KCNT2: variants seen among roughly 807,000 people sequenced by gnomAD.
KCNT2 encodes the protein potassium sodium-activated channel subfamily T member 2.
Under a neutral mutation model 153.8 loss-of-function variants are expected in KCNT2, and 67 were observed. The observed-to-expected ratio is 0.44, with a 90% CI of 0.36 to 0.53. The LOEUF (loss-of-function observed/expected upper bound fraction) is 0.53. KCNT2 is among the 20% of genes least tolerant of loss of function. The pLI, the probability that KCNT2 is intolerant of heterozygous loss-of-function variation, is 0.00. For synonymous variants in KCNT2, 500 were observed against 458.8 expected, an observed-to-expected ratio of 1.09 and a Z score of -1.15; for missense variants, 975 against 1,354.8, an observed-to-expected ratio of 0.72 and a Z score of 4.40.
At position 196,489,894 on chromosome 1, in the gene KCNT2, G is replaced by T. The variant is rs1347787953; in HGVS notation, c.219C>A (p.Ser73Arg). ...RLFNFSLKLL[S>R]CLLYIIRVLL... The stretch of plus-strand genomic sequence containing the variant: ...GTACTCGGATTATGTATAATAAGCA[G>T]CTTAGTAATTTGAGAGAAAAATTGA... Residue 73 changes from serine to arginine, a missense_variant, in exon 3 of 28, where the codon AGC (serine) becomes AGA (arginine). Ser to Arg is a moderately radical substitution (Grantham distance 110, BLOSUM62 -1). This residue lies in a region of KCNT2 where 140 missense variants were observed against 216.0 expected (regional missense o/e 0.65). Transcript: ENST00000294725. 2 of 1,589,984 alleles carry T rather than the reference G, an allele frequency of 1.3e-6. No individual in the cohort carries two copies. The highest frequency in any genetic ancestry group is 1.7e-6 in the Non-Finnish European group (2 of 1,169,082).
chr1:196,451,243 T>TC (rs1676151295), intron 8 of KCNT2, among the ~76,000 whole-genome samples: 1 of 66,758 alleles, frequency 1.5e-5, no homozygotes, highest in Non-Finnish European at 3.2e-5. Flanking sequence ...TTTTTTTTTT[T>TC]CCTTTTTCTT....
At chr1:196,497,484 G>C (rs1384544618) in intron 1 of KCNT2, among the ~76,000 whole-genome samples, 1 of 152,030 alleles carries the variant, frequency 6.6e-6, no homozygotes, top group Non-Finnish European at 1.5e-5. Context: ...ATAATGTAAA[G>C]TATAATGGAG....
At position 196,253,091 on chromosome 1, in the gene KCNT2, T is replaced by C. The variant is rs367821678; in HGVS notation, c.3211+5103A>G. Among the ~76,000 whole-genome samples, 409 of 151,570 alleles carry C rather than the reference T, an allele frequency of 2.7e-3. 2 individuals carry two copies. The highest frequency in any genetic ancestry group is 9.4e-3 in the African/African-American group (390 of 41,520). On this transcript the variant is annotated intron_variant, in intron 26 of 27. Transcript: ENST00000294725. ...GGGTTTCAATGAGGTTCTTAAATTTTAGGTAGAGTTCTCATCGAATCTGAA... is the reference window on the plus strand; with the variant it reads ...GGGTTTCAATGAGGTTCTTAAATTTCAGGTAGAGTTCTCATCGAATCTGAA...
chr1:196,232,011 G>A (rs1461441613), intron 27 of KCNT2, among the ~76,000 whole-genome samples: 3 of 151,770 alleles, frequency 2.0e-5, no homozygotes, highest in African/African-American at 7.3e-5. Context: ...AATAAAGTTT[G>A]CACTTTTGTC....
At chr1:196,538,355 AAATT>A (rs1311541643) in intron 1 of KCNT2, among the ~76,000 whole-genome samples, 2 of 152,052 alleles carry the variant, frequency 1.3e-5, no homozygotes, top group Non-Finnish European at 2.9e-5. Context: ...CCTCTTCATG[AAATT>A]AATTGTTAGG....
chr1:196,447,490 G>T (rs1346348587), intron 8 of KCNT2, among the ~76,000 whole-genome samples: 1 of 151,546 alleles, frequency 6.6e-6, no homozygotes, highest in East Asian at 2.0e-4. Context: ...GAGAAAGTAC[G>T]ATGTAAGTTG....
At chr1:196,424,009 C>G (rs6656928) in intron 11 of KCNT2, among the ~76,000 whole-genome samples, 1 of 151,750 alleles carries the variant, frequency 6.6e-6, no homozygotes, top group Non-Finnish European at 1.5e-5. Flanking sequence ...TTATAGGAAG[C>G]TAAGATTGGA....
At chr1:196,426,281 G>A (rs16839910) in intron 10 of KCNT2, among the ~76,000 whole-genome samples, 8,745 of 151,998 alleles carry the variant, frequency 0.058, 387 homozygotes, top group Non-Finnish European at 0.085. Context: ...CACACTTTCA[G>A]CTTGTGAAGG....
intron 13 of KCNT2, among the ~76,000 whole-genome samples, chr1:196,374,201 G>T (rs1052828709): frequency 6.6e-6 from 1 of 151,852 alleles, no homozygotes; most frequent in Admixed American, 6.6e-5. Context: ...AGGCAGAAAA[G>T]TAGCACTTTT....
At chr1:196,276,441 T>A (rs910842965) in intron 25 of KCNT2, among the ~76,000 whole-genome samples, 5 of 152,036 alleles carry the variant, frequency 3.3e-5, no homozygotes, top group African/African-American at 1.2e-4. Context: ...ATTTAAAACA[T>A]TGAGATGCAT....
At chr1:196,458,301 C>G (rs1038592635) in intron 8 of KCNT2, among the ~76,000 whole-genome samples, 1 of 151,568 alleles carries the variant, frequency 6.6e-6, no homozygotes, top group Admixed American at 6.6e-5. Context: ...TTAATTATTT[C>G]TTTTATAAAA....
intron 17 of KCNT2, among the ~76,000 whole-genome samples, chr1:196,331,565 T>G (rs1664466579): frequency 6.6e-6 from 1 of 152,062 alleles, no homozygotes; most frequent in Non-Finnish European, 1.5e-5. Context: ...TAAATAAAGC[T>G]TTATTATAAT....
chr1:196,559,596 T>C (rs1659119553), intron 1 of KCNT2, among the ~76,000 whole-genome samples: 1 of 151,800 alleles, frequency 6.6e-6, no homozygotes, highest in Non-Finnish European at 1.5e-5. Context: ...AGTAAGAAAG[T>C]TTCTATTTTA....
chr1:196,248,220 A>G (rs111320729), intron 26 of KCNT2, among the ~76,000 whole-genome samples: 7,644 of 152,054 alleles, frequency 0.05, 287 homozygotes, highest in Non-Finnish European at 0.071. Flanking sequence ...ATAAACAACC[A>G]AATGATGCAT....
chr1:196,228,166 A>C lies in KCNT2; in HGVS notation c.*58T>G, dbSNP rs945201250. The C allele has an allele frequency of 3.1e-6, 3 of 963,046 alleles. No homozygotes were observed. The highest frequency in any genetic ancestry group is 1.6e-5 in the African/African-American group (1 of 61,136). The allele number at this position is 963,046 out of a possible 1,614,324, so 59.7% of individuals were successfully genotyped here. On this transcript the variant is annotated 3_prime_UTR_variant, in exon 28 of 28. Transcript: ENST00000294725. ...CATCTAGTTTCTTTCGTGCCAGCAA[A>C]ACTTTTGTGGTTTCAAGCAAGGTCT...
intron 14 of KCNT2, among the ~76,000 whole-genome samples, chr1:196,361,460 G>A (rs1268191845): frequency 6.6e-6 from 1 of 152,034 alleles, no homozygotes; most frequent in East Asian, 1.9e-4. Context: ...GTAGTAAGTA[G>A]GGCAGATGTG....
intron 8 of KCNT2, among the ~76,000 whole-genome samples, chr1:196,457,971 G>C (rs943019068): frequency 2.0e-5 from 3 of 151,880 alleles, no homozygotes; most frequent in African/African-American, 7.3e-5. Context: ...AGGAACGTTT[G>C]AGTTATTAAA....
chr1:196,422,072 A>G lies in KCNT2; in HGVS notation c.1185+978T>C, dbSNP rs1284338254. Among the ~76,000 whole-genome samples, 11 of 152,144 alleles carry G rather than the reference A, an allele frequency of 7.2e-5. No individual in the cohort carries two copies. In the East Asian group the frequency reaches 1.9e-3, roughly 27 times the overall value. ...TAAGGGTTGGGACTTCAACGCAGGA[A>G]TTTTGTAGGCCCACAATTCAGCTAA... On this transcript the variant is annotated intron_variant, in intron 12 of 27. Transcript: ENST00000294725.
chr1:196,536,827 T>C (rs1176192418), intron 1 of KCNT2, among the ~76,000 whole-genome samples: 3 of 152,180 alleles, frequency 2.0e-5, no homozygotes, highest in Non-Finnish European at 4.4e-5. Flanking sequence ...CGAGGGACTG[T>C]TATCCATGAA....
Sources: allele counts gnomAD v4.1 joint callset (sites outside exome capture counted in the v4.1 genomes callset), GRCh38; gene constraint gnomAD v4.1.1; regional missense constraint gnomAD v4.1.1; transcripts MANE v1.5; gene names NCBI Gene and HGNC (gene_info 2026-07-23, HGNC 2026-07-21).